Variants in EYS observed in about 807,000 individuals in gnomAD.
EYS encodes EGF-like photoreceptor maintenance factor.
Under a neutral mutation model 282.1 loss-of-function variants are expected in EYS, and 250 were observed. That is an observed-to-expected ratio of 0.89 (90% CI 0.80 to 0.98). The LOEUF (loss-of-function observed/expected upper bound fraction) is 0.98. EYS is among the 50% of genes least tolerant of loss of function. The pLI is 0.00. For missense variants in EYS, 4,016 were observed against 3,709.0 expected (o/e 1.08, Z -2.15); for synonymous variants, 1,355 against 1,282.9 (o/e 1.06, Z -1.20).
At chr6:64,148,933 T>G (rs1485450046) in intron 31 of EYS, among the ~76,000 whole-genome samples, 3 of 152,144 alleles carry the variant, frequency 2.0e-5, no homozygotes, top group Non-Finnish European at 2.9e-5. Context: ...AAATGAAAAT[T>G]TTTAAGACAT....
At chr6:64,072,781 A>G (rs897304313) in intron 32 of EYS, among the ~76,000 whole-genome samples, 21 of 151,920 alleles carry the variant, frequency 1.4e-4, no homozygotes, top group African/African-American at 3.6e-4. Flanking sequence ...TATTTTTCAT[A>G]AACTGCTTTA....
intron 24 of EYS, 86 bp downstream of exon 24, chr6:64,617,332 A>ATT (rs1195435964): frequency 1.1e-6 from 1 of 885,832 alleles, no homozygotes; most frequent in African/African-American, 1.7e-5. Context: ...CTCCGACCTT[A>ATT]TTTTTCACCA....
intron 36 of EYS, among the ~76,000 whole-genome samples, chr6:63,848,631 G>A (rs554263364): frequency 2.2e-4 from 33 of 152,166 alleles, no homozygotes; most frequent in Admixed American, 6.5e-4. Flanking sequence ...GCTGTGTCAC[G>A]AGGGATGGTG....
chr6:64,914,601 A>ACCT (rs1441389854), intron 15 of EYS, among the ~76,000 whole-genome samples: 1 of 152,118 alleles, frequency 6.6e-6, no homozygotes, highest in Non-Finnish European at 1.5e-5. Context: ...TACATAGGAT[A>ACCT]CCAATATATT....
intron 29 of EYS, among the ~76,000 whole-genome samples, chr6:64,357,745 C>A (rs1221268498): frequency 6.6e-6 from 1 of 151,496 alleles, no homozygotes; most frequent in Admixed American, 6.6e-5. Context: ...CAGATATGCC[C>A]CTGTAGTGTG....
At chr6:64,032,351 T>C (rs1252816355) in intron 33 of EYS, among the ~76,000 whole-genome samples, 1 of 152,236 alleles carries the variant, frequency 6.6e-6, no homozygotes, top group Non-Finnish European at 1.5e-5. Context: ...ATGGTTTTGA[T>C]TTGCTTTTCC....
intron 7 of EYS, among the ~76,000 whole-genome samples, chr6:65,391,934 T>C (rs1415132182): frequency 1.6e-4 from 25 of 152,138 alleles, no homozygotes; most frequent in African/African-American, 5.5e-4. Flanking sequence ...TACAAGGCTA[T>C]AGTAACCAAA....
intron 22 of EYS, among the ~76,000 whole-genome samples, chr6:64,743,988 G>A (rs1027420131): frequency 1.3e-5 from 2 of 151,980 alleles, no homozygotes; most frequent in African/African-American, 4.8e-5. Flanking sequence ...ATAATGCATA[G>A]ATGACTCTTT....
intron 24 of EYS, among the ~76,000 whole-genome samples, chr6:64,599,185 A>T (rs1766684215): frequency 6.6e-6 from 1 of 152,174 alleles, no homozygotes; most frequent in South Asian, 2.1e-4. Flanking sequence ...GAAAGTTCTA[A>T]TCTTATTGAT....
At chr6:64,332,392 A>G (rs1449985309) in intron 29 of EYS, among the ~76,000 whole-genome samples, 2 of 152,228 alleles carry the variant, frequency 1.3e-5, no homozygotes, top group Non-Finnish European at 2.9e-5. Flanking sequence ...AATACCTGTT[A>G]GTCTCACAGA....
At chr6:64,620,565 T>A (rs1425145189) in intron 23 of EYS, among the ~76,000 whole-genome samples, 3 of 152,058 alleles carry the variant, frequency 2.0e-5, no homozygotes, top group Non-Finnish European at 2.9e-5. Flanking sequence ...TACATGGGAG[T>A]GGATACTGAG....
At chr6:64,254,377 A>C (rs1193250879) in intron 30 of EYS, among the ~76,000 whole-genome samples, 1 of 152,088 alleles carries the variant, frequency 6.6e-6, no homozygotes, top group African/African-American at 2.4e-5. Context: ...TTCCAGAGTC[A>C]ATTTCTAGCT....
At chr6:64,374,942 T>C (rs1357340644) in intron 29 of EYS, among the ~76,000 whole-genome samples, 2 of 152,184 alleles carry the variant, frequency 1.3e-5, no homozygotes, top group Non-Finnish European at 2.9e-5. Context: ...ATTTCATTCC[T>C]AAAAGATTCC....
intron 22 of EYS, among the ~76,000 whole-genome samples, chr6:64,794,153 T>A (rs1164158117): frequency 6.6e-6 from 1 of 152,300 alleles, no homozygotes; most frequent in East Asian, 1.9e-4. Context: ...AGTTCATCCA[T>A]CTTGTAACAT....
chr6:64,318,019 G>T (rs1190982815), intron 29 of EYS, among the ~76,000 whole-genome samples: 1 of 151,208 alleles, frequency 6.6e-6, no homozygotes, highest in African/African-American at 2.5e-5. Flanking sequence ...CACACACCAG[G>T]GCTTGTCAGG....
At chr6:64,721,368 A>G (rs1284621027) in intron 22 of EYS, among the ~76,000 whole-genome samples, 1 of 152,208 alleles carries the variant, frequency 6.6e-6, no homozygotes, top group Non-Finnish European at 1.5e-5. Flanking sequence ...CTGAGAAAGT[A>G]TCTGAGCAAA....
intron 35 of EYS, among the ~76,000 whole-genome samples, chr6:63,968,393 AGCTGGATTT>A (rs1408721679): frequency 6.6e-6 from 1 of 152,176 alleles, no homozygotes; most frequent in East Asian, 1.9e-4. Flanking sequence ...AAAGAATCAC[AGCTGGATTT>A]GCAAGATGCA....
At chr6:64,032,073 C>A (rs967900502) in intron 33 of EYS, among the ~76,000 whole-genome samples, 2 of 152,158 alleles carry the variant, frequency 1.3e-5, no homozygotes, top group Non-Finnish European at 2.9e-5. Flanking sequence ...GCCAGCGAGA[C>A]CACGAACTCA....
At chr6:64,770,646 A>G (rs952606686) in intron 22 of EYS, among the ~76,000 whole-genome samples, 1 of 151,916 alleles carries the variant, frequency 6.6e-6, no homozygotes, top group South Asian at 2.1e-4. Flanking sequence ...TGAGTTTGGA[A>G]AGACTTTGAA....
Sources: gnomAD v4.1 joint callset for allele counts (sites outside exome capture counted in the v4.1 genomes callset) on GRCh38, gnomAD v4.1.1 for gene constraint, MANE v1.5 for transcripts, NCBI Gene and HGNC (gene_info 2026-07-23, HGNC 2026-07-21) for gene names.